The following NR5A1 variants were observed in gnomAD, a reference collection of about 807,000 sequenced individuals.
NR5A1 encodes the protein steroidogenic factor 1.
In NR5A1, 6 loss-of-function variants were observed where a neutral mutation model predicts 42.7. That is an observed-to-expected ratio of 0.14 (90% CI 0.08 to 0.28). The LOEUF (loss-of-function observed/expected upper bound fraction) is 0.28, where lower values mean the gene tolerates loss of function less well. NR5A1 is among the 10% of genes least tolerant of loss of function. The pLI is 1.00. For synonymous variants in NR5A1, 274 were observed against 277.5 expected, an observed-to-expected ratio of 0.99 and a Z score of 0.12; for missense variants, 442 against 626.4, an observed-to-expected ratio of 0.71 and a Z score of 3.14.
chr9:124,500,390 G>A lies in NR5A1; in HGVS notation c.570C>T (p.Gly190=). The A allele has an allele frequency of 6.4e-7, 1 of 1,559,398 alleles. No homozygotes were observed. Among genetic ancestry groups the A allele is most frequent in the Non-Finnish European group, 8.7e-7 (1 of 1,152,358 alleles). Residue 190 remains glycine, a synonymous_variant, in exon 4 of 7, where the codon GGC becomes GGT. Transcript: ENST00000373588. The surrounding 1 kb of genome is among the most constrained non-coding windows in gnomAD (Gnocchi z 6.9). ...CCGGGTACTCAGACTTGATGGCACG[G>A]CCAGGAAAGGCAGGGTAGAGGTAGC... ...LAGYLYPAFP[G]RAIKSEYPEP...
rs552780859 is a variant in NR5A1, at chr9:124,493,784, C to G, written c.871-635G>C. 5.6e-4 allele frequency among the ~76,000 whole-genome samples: 86 copies of G among 152,330 alleles called. 1 individual carries two copies. In the South Asian group the frequency reaches 0.017, roughly 30 times the overall value. ...GCCTGGCACATGAAGCAGAAACGAA[C>G]AGCAACAAGGGGCTGATTCCGAATG... On this transcript the variant is annotated intron_variant, in intron 4 of 6. Transcript: ENST00000373588.
At chr9:124,497,497 C>T (rs1832405466) in intron 4 of NR5A1, among the ~76,000 whole-genome samples, 1 of 152,206 alleles carries the variant, frequency 6.6e-6, no homozygotes, top group South Asian at 2.1e-4. Flanking sequence ...GCATTTGGAG[C>T]TCAGCATCGG....
Position 124,503,529 on chromosome 9 carries a change from G to T in NR5A1, c.-15-119C>A, listed in dbSNP as rs1416925015. ...CGTAATCCCCTCTCTGTGCCCAGGC[G>T]CTGCCGCCGGCACCCACCGAGCGCC... On this transcript the variant is annotated intron_variant, in intron 1 of 6. Coordinates refer to ENST00000373588, the MANE Select transcript of NR5A1 (RefSeq NM_004959.5). The surrounding 1 kb of genome is among the most constrained non-coding windows in gnomAD (Gnocchi z 9.6). The T allele has an allele frequency of 5.3e-6, 4 of 761,380 alleles. No individual in the cohort carries two copies. Among genetic ancestry groups the T allele is most frequent in the South Asian group, 2.1e-5 (1 of 47,552 alleles). The allele number at this position is 761,380 out of a possible 1,614,324, so 47.2% of individuals were successfully genotyped here. A position where few individuals can be genotyped will look rare whatever the true frequency, so the allele number is the denominator to read the frequency against.
At chr9:124,490,703 G>A (rs1414013308) in intron 6 of NR5A1, among the ~76,000 whole-genome samples, 1 of 152,100 alleles carries the variant, frequency 6.6e-6, no homozygotes, top group Non-Finnish European at 1.5e-5. Flanking sequence ...CAATTTCTCG[G>A]TGCCTGTTTG....
chr9:124,504,066 A>AGAGAGAGAGAGAGAGAGAGG (rs1832513295), intron 1 of NR5A1, among the ~76,000 whole-genome samples: 1 of 149,604 alleles, frequency 6.7e-6, no homozygotes, highest in African/African-American at 2.5e-5. Flanking sequence ...AGAGAGAGAG[A>AGAGAGAGAGAGAGAGAGAGG]GAGAGAGAAA....
chr9:124,501,569 G>T lies in NR5A1; in HGVS notation c.245-854C>A, dbSNP rs1171075079. Among the ~76,000 whole-genome samples, 2 of 152,248 alleles carry T rather than the reference G, an allele frequency of 1.3e-5. No homozygotes were observed. Among genetic ancestry groups the T allele is most frequent in the African/African-American group, 4.8e-5 (2 of 41,470 alleles). ...AGAGCAGGAGAGAGGGGGTGGTGGT[G>T]CTCAGCAGGGATGATGGCTGGGGGG... On this transcript the variant is annotated intron_variant, in intron 3 of 6. Transcript: ENST00000373588. The surrounding 1 kb of genome is among the most constrained non-coding windows in gnomAD (Gnocchi z 4.1).
At chr9:124,494,074 C>T (rs1017554112) in intron 4 of NR5A1, among the ~76,000 whole-genome samples, 3 of 152,248 alleles carry the variant, frequency 2.0e-5, no homozygotes, top group Non-Finnish European at 2.9e-5. Context: ...TTTGGAAGCA[C>T]ACTGGGCACT....
rs142402038 is a variant in NR5A1, at chr9:124,503,363, C to A, written c.33G>T (p.Glu11Asp). 2 of 1,611,418 alleles carry A rather than the reference C, an allele frequency of 1.2e-6. No individual in the cohort carries two copies. The highest frequency in any genetic ancestry group is 8.5e-7 in the Non-Finnish European group (1 of 1,179,422). Residue 11 changes from glutamate (E) to aspartate (D), a missense_variant, in exon 2 of 7, where the codon GAG becomes GAT. Transcript: ENST00000373588. The surrounding 1 kb of genome is among the most constrained non-coding windows in gnomAD (Gnocchi z 9.6). MDYSYDEDLD[E>D]LCPVCGDKVS... ...CCTTGTCCCCGCACACGGGGCACAG[C>A]TCGTCCAGGTCCTCGTCGTACGAAT...
rs1832300292 is a variant in NR5A1 at position 124,491,106 on chromosome 9, G to C, written c.1113C>G (p.Leu371=). The C allele has an allele frequency of 5.9e-6, 9 of 1,536,922 alleles. No individual in the cohort carries two copies. Among genetic ancestry groups the C allele is most frequent in the Non-Finnish European group, 7.0e-6 (8 of 1,135,458 alleles). ...LQLDRQEFVC[L]KFIILFSLDL... ...CCAGGCTGAAGAGGATGATGAACTT[G>C]AGGCAGACAAACTCCTGCCGGTCCA... Residue 371 remains leucine, a synonymous_variant, in exon 6 of 7, where the codon CTC becomes CTG. Coordinates refer to ENST00000373588, the MANE Select transcript of NR5A1 (RefSeq NM_004959.5).
At position 124,482,034 on chromosome 9, in the gene NR5A1, TGG is replaced by T. The variant is rs1381406544; in HGVS notation, c.*722_*723del. 3 of 152,316 alleles carry T rather than the reference TGG, an allele frequency of 2.0e-5. No homozygotes were observed. Among genetic ancestry groups the T allele is most frequent in the Non-Finnish European group, 4.4e-5 (3 of 68,196 alleles). 9.4% of individuals were successfully genotyped at this position (152,316 alleles called of 1,614,324 possible). A position where few individuals can be genotyped will look rare whatever the true frequency, so the allele number is the denominator to read the frequency against. On this transcript the variant is annotated 3_prime_UTR_variant, in exon 7 of 7. Transcript: ENST00000373588. Reference sequence around the variant, plus strand: ...CCAGCCTGGGAGGGCCACCTCTGGGTGGGGCTAGGATGTCGATTGTACCAAAC... The same window carrying T: ...CCAGCCTGGGAGGGCCACCTCTGGGTGGCTAGGATGTCGATTGTACCAAAC...
At chr9:124,491,348 CG>C (rs1832306245) in intron 5 of NR5A1, 120 bp from the exon 6 acceptor site, 6 of 770,016 alleles carry the variant, frequency 7.8e-6, no homozygotes, top group Non-Finnish European at 1.2e-5. Context: ...GATGGGCTGG[CG>C]TCAGGAGGGC....
At chr9:124,504,083 G>C (rs1028383662) in intron 1 of NR5A1, among the ~76,000 whole-genome samples, 1 of 151,364 alleles carries the variant, frequency 6.6e-6, no homozygotes, top group Non-Finnish European at 1.5e-5. Context: ...GAAACGAGGG[G>C]TGGGGGATTG....
rs1371530344 is a variant in NR5A1, at chr9:124,496,796, C to T, written c.870+3294G>A. On this transcript the variant is annotated intron_variant, in intron 4 of 6. Coordinates refer to ENST00000373588, the MANE Select transcript of NR5A1 (RefSeq NM_004959.5). This position sits in a 1 kb window ranked among gnomAD's most constrained non-coding sequence, Gnocchi z 5.0. ...CTCGGAGCTGGATGTTGAGGGTGAA[C>T]GGATGTCAAAATGGGTCACTGGGCA... is the stretch of plus-strand genomic sequence containing the variant. 6.6e-6 allele frequency among the ~76,000 whole-genome samples: 1 copy of T among 152,120 alleles called. No homozygotes were observed. Among genetic ancestry groups the T allele is most frequent in the Non-Finnish European group, 1.5e-5 (1 of 68,014 alleles).
In NR5A1 at chr9:124,483,166, G is replaced by A. The variant is rs115065315; in HGVS notation, c.1139-161C>T. Among the ~76,000 whole-genome samples, 620 of 152,294 alleles carry A rather than the reference G, an allele frequency of 4.1e-3. 3 individuals carry two copies. The highest frequency in any genetic ancestry group is 0.014 in the African/African-American group (566 of 41,560). On this transcript the variant is annotated intron_variant, in intron 6 of 6. Transcript: ENST00000373588. ...GCAACATGGTCTCCCCGTTGGCACC[G>A]TGTCGCCATCACCATTGCTGTCACC...
chr9:124,491,032 C>CCCCCCCCCCCCCGGGGGGGGG, intron 6 of NR5A1, 49 bp downstream of exon 6: 1 of 1,258,250 alleles, frequency 7.9e-7, no homozygotes, highest in Non-Finnish European at 1.1e-6. Flanking sequence ...CCCTCCCACC[C>CCCCCCCCCCCCCGGGGGGGGG]ACCCGCCTCT....
In NR5A1 at chr9:124,500,168, G is replaced by A. The variant is rs1239889193; in HGVS notation, c.792C>T (p.Leu264=). 1 of 1,612,244 alleles carries A rather than the reference G, an allele frequency of 6.2e-7. No homozygotes were observed. The highest frequency in any genetic ancestry group is 8.5e-7 in the Non-Finnish European group (1 of 1,179,576). The change falls in exon 4 of 7, where the codon CTC becomes CTT. Residue 264 remains leucine (L), a synonymous_variant. Transcript: ENST00000373588. This position sits in a 1 kb window ranked among gnomAD's most constrained non-coding sequence, Gnocchi z 6.9. Reference sequence around the variant, plus strand: ...AGGTCTGGTCGGCCATTCTGCACAGGAGGCCGAAGGCCGCCGGCTGGTCGG... The same window carrying A: ...AGGTCTGGTCGGCCATTCTGCACAGAAGGCCGAAGGCCGCCGGCTGGTCGG... ...SRPDQPAAFG[L]LCRMADQTFI... is the part of the protein sequence containing the mutation.
chr9:124,486,046 C>T (rs1377500581), intron 6 of NR5A1, among the ~76,000 whole-genome samples: 1 of 152,142 alleles, frequency 6.6e-6, no homozygotes, highest in Admixed American at 6.5e-5. Flanking sequence ...AGACCAGGGC[C>T]TCGGCTTTAC....
At chr9:124,497,505 C>T (rs1341383222) in intron 4 of NR5A1, among the ~76,000 whole-genome samples, 4 of 152,316 alleles carry the variant, frequency 2.6e-5, no homozygotes, top group East Asian at 1.9e-4. Context: ...AGCTCAGCAT[C>T]GGACACAACT....
rs1324106447 is a variant in NR5A1 at position 124,504,644 on chromosome 9, G to C, written c.-15-1234C>G. Among the ~76,000 whole-genome samples the C allele has an allele frequency of 9.2e-5, 14 of 151,486 alleles. No individual in the cohort carries two copies. In the East Asian group the frequency reaches 2.7e-3, roughly 29 times the overall value. ...AAGAGCCAGGGCCCGGGACGCGAGA[G>C]GGGGCGCGACGGCGGCTGCGGTCGG... On this transcript the variant is annotated intron_variant, in intron 1 of 6. Coordinates refer to ENST00000373588, the MANE Select transcript of NR5A1 (RefSeq NM_004959.5).
Sources: allele counts gnomAD v4.1 joint callset (sites outside exome capture counted in the v4.1 genomes callset), GRCh38; gene constraint gnomAD v4.1.1; non-coding constraint Gnocchi (gnomAD v3.1); transcripts MANE v1.5; gene names NCBI Gene and HGNC (gene_info 2026-07-23, HGNC 2026-07-21).